The following PLEKHG7 variants were observed in gnomAD, a reference collection of about 807,000 sequenced individuals.
PLEKHG7 encodes pleckstrin homology and RhoGEF domain containing G7.
PLEKHG7 carries 77 observed loss-of-function variants against 85.2 expected under a neutral mutation model. That is an observed-to-expected ratio of 0.90 (90% confidence interval 0.75 to 1.09). The LOEUF is 1.09. Among genes scored for constraint, PLEKHG7 ranks in the 50% least tolerant of loss-of-function variants. The pLI, the probability that PLEKHG7 is intolerant of heterozygous loss-of-function variation, is 0.00. For missense variants in PLEKHG7, 777 were observed against 804.3 expected, an observed-to-expected ratio of 0.97 and a Z score of 0.41; for synonymous variants, 301 against 302.4, an observed-to-expected ratio of 1.00 and a Z score of 0.05.
chr12:92,741,500 G>C lies in PLEKHG7; in HGVS notation c.1045G>C (p.Gly349Arg). The C allele has an allele frequency of 6.2e-7, 1 of 1,607,952 alleles. No homozygotes were observed. ...TTCTCTCTGTCCCTAGACAAGCCTT[G>C]GTTTTGTGAACAGTCTCTTTGGCAT... ...NLEELTQTSL[G>R]FVNSLFGIIK... is the part of the protein sequence containing the mutation. The change falls in exon 9 of 17, where the codon GGT becomes CGT. Residue 349 changes from glycine to arginine, a missense_variant. Gly to Arg is a moderately radical substitution (Grantham distance 125, BLOSUM62 -2). Transcript: ENST00000344636.
chr12:92,761,621 AAGAAGAAAGAAAG>A lies in PLEKHG7; in HGVS notation c.1637-129_1637-117del, dbSNP rs1450992849. On this transcript the variant is annotated intron_variant, in intron 13 of 16. Transcript: ENST00000344636. ...AGAAAGAAAGAAAAAGAAAGAAAGAAAGAAGAAAGAAAGAAAGAAAGAAAGAAAGAAAGAAAGA... is the reference window on the plus strand; with the variant it reads ...AGAAAGAAAGAAAAAGAAAGAAAGAAAAAGAAAGAAAGAAAGAAAGAAAGA... The A allele has an allele frequency of 3.3e-5, 34 of 1,028,772 alleles. No homozygotes were observed. The African/African-American group carries it at 6.5e-4, about 20-fold the overall frequency. 63.7% of individuals were successfully genotyped at this position (1,028,772 alleles called of 1,614,324 possible). A position where few individuals can be genotyped will look rare whatever the true frequency, so the allele number is the denominator to read the frequency against.
At chr12:92,728,587 C>T (rs1332731431) in intron 3 of PLEKHG7, among the ~76,000 whole-genome samples, 2 of 146,874 alleles carry the variant, frequency 1.4e-5, no homozygotes, top group East Asian at 3.9e-4. Context: ...TGTACACATA[C>T]CACATTCCAT....
At chr12:92,740,219 C>T (rs1220839150) in intron 7 of PLEKHG7, among the ~76,000 whole-genome samples, 1 of 152,134 alleles carries the variant, frequency 6.6e-6, no homozygotes, top group African/African-American at 2.4e-5. Context: ...ATAAATTGAT[C>T]TCTCTTCAGT....
intron 3 of PLEKHG7, among the ~76,000 whole-genome samples, chr12:92,717,039 A>T (rs10777441): frequency 0.48 from 72,702 of 152,046 alleles, 18,408 homozygotes; most frequent in East Asian, 0.9. Context: ...AGTGAGGGAG[A>T]TGCTTTTGTG....
chr12:92,762,817 A>G (rs567448122), intron 14 of PLEKHG7, among the ~76,000 whole-genome samples: 1 of 152,226 alleles, frequency 6.6e-6, no homozygotes, highest in Non-Finnish European at 1.5e-5. Context: ...AAGCTTCTAC[A>G]TGGCATGTTG....
At chr12:92,717,761 T>C (rs1053259820) in intron 3 of PLEKHG7, among the ~76,000 whole-genome samples, 2 of 152,188 alleles carry the variant, frequency 1.3e-5, no homozygotes, top group Non-Finnish European at 2.9e-5. Context: ...CTACACACCA[T>C]TGAGGTTTGT....
At chr12:92,768,732 T>C (rs1338553789) in intron 15 of PLEKHG7, among the ~76,000 whole-genome samples, 1 of 152,182 alleles carries the variant, frequency 6.6e-6, no homozygotes, top group Non-Finnish European at 1.5e-5. Context: ...TTGCATTTCA[T>C]CAAGTATCAG....
chr12:92,740,983 C>T (rs773738625), intron 8 of PLEKHG7, 35 bp downstream of exon 8: 45 of 1,418,486 alleles, frequency 3.2e-5, no homozygotes, highest in Non-Finnish European at 3.9e-5. Flanking sequence ...TTTTAACATT[C>T]ACTAGAGGAC....
intron 10 of PLEKHG7, among the ~76,000 whole-genome samples, chr12:92,748,377 G>C (rs921123751): frequency 2.6e-5 from 4 of 151,964 alleles, no homozygotes; most frequent in African/African-American, 9.7e-5. Flanking sequence ...CTCCAGAGTA[G>C]CTGGAACTAC....
At chr12:92,716,081 T>TTTTTGTTTTGTTTTG (rs150207306) in intron 3 of PLEKHG7, among the ~76,000 whole-genome samples, 4 of 151,630 alleles carry the variant, frequency 2.6e-5, no homozygotes, top group Non-Finnish European at 5.9e-5. Flanking sequence ...TTTTGGGGTT[T>TTTTTGTTTTGTTTTG]TTTTGTTTTG....
At chr12:92,762,541 CT>C (rs1339164963) in intron 14 of PLEKHG7, among the ~76,000 whole-genome samples, 7 of 152,140 alleles carry the variant, frequency 4.6e-5, no homozygotes, top group African/African-American at 1.7e-4. Flanking sequence ...CATTAAGCCA[CT>C]GGTCTGCTGC....
intron 3 of PLEKHG7, among the ~76,000 whole-genome samples, chr12:92,718,045 A>G (rs1487174091): frequency 3.9e-5 from 6 of 152,234 alleles, no homozygotes; most frequent in Non-Finnish European, 8.8e-5. Context: ...ATCAAATGTA[A>G]TGTATCTGAC....
rs1417503350 is a variant in PLEKHG7 at position 92,761,663 on chromosome 12, A to AAAG, written c.1637-86_1637-84dup. ...GAAAGAAAGAAAGAAAGAAAGAAAG[A>AAAG]AAGAAAGAAAGAAAGAAAGAAAGGG... On this transcript the variant is annotated intron_variant, in intron 13 of 16. Transcript: ENST00000344636. The AAAG allele has an allele frequency of 2.9e-4, 377 of 1,309,060 alleles. 1 individual carries two copies. The highest frequency in any genetic ancestry group is 3.3e-4 in the Non-Finnish European group (328 of 1,007,082). 81.1% of individuals were successfully genotyped at this position (1,309,060 alleles called of 1,614,324 possible).
chr12:92,751,717 G>A (rs916982392), intron 10 of PLEKHG7, among the ~76,000 whole-genome samples: 2 of 151,808 alleles, frequency 1.3e-5, no homozygotes, highest in African/African-American at 4.8e-5. Flanking sequence ...AAGAGCCCAG[G>A]ATGTTTTCCA....
At chr12:92,749,973 T>TA (rs55993403) in intron 10 of PLEKHG7, among the ~76,000 whole-genome samples, 37,238 of 104,922 alleles carry the variant, frequency 0.35, 8,305 homozygotes, top group East Asian at 0.88. Flanking sequence ...TATTTTATAT[T>TA]TTATTTTATT....
intron 3 of PLEKHG7, among the ~76,000 whole-genome samples, chr12:92,722,533 A>G (rs551007428): frequency 5.2e-4 from 79 of 152,338 alleles, no homozygotes; most frequent in Non-Finnish European, 6.5e-4. Flanking sequence ...AGTCAAGGTC[A>G]TGGATCAAGC....
chr12:92,759,524 G>A (rs1270100067), intron 13 of PLEKHG7, among the ~76,000 whole-genome samples: 1 of 152,152 alleles, frequency 6.6e-6, no homozygotes, highest in African/African-American at 2.4e-5. Context: ...TTAATGTCCA[G>A]TATGACTATA....
intron 3 of PLEKHG7, among the ~76,000 whole-genome samples, chr12:92,712,781 A>G (rs1261046456): frequency 3.9e-5 from 6 of 152,128 alleles, no homozygotes; most frequent in Non-Finnish European, 8.8e-5. Context: ...TATGCCAATT[A>G]TATACTCTGG....
intron 10 of PLEKHG7, among the ~76,000 whole-genome samples, chr12:92,748,590 T>C (rs1373740404): frequency 6.6e-6 from 1 of 152,202 alleles, no homozygotes; most frequent in African/African-American, 2.4e-5. Flanking sequence ...CCAGACACTT[T>C]CTCAAACATC....
Sources: allele counts gnomAD v4.1 joint callset (sites outside exome capture counted in the v4.1 genomes callset), GRCh38; gene constraint gnomAD v4.1.1; transcripts MANE v1.5; gene names NCBI Gene and HGNC (gene_info 2026-07-23, HGNC 2026-07-21).